The following NIPA2 variants were observed in gnomAD, a reference collection of about 807,000 sequenced individuals.
The protein encoded by NIPA2 is NIPA magnesium transporter 2.
NIPA2 carries 11 observed loss-of-function variants against 29.7 expected under a neutral mutation model. That is an observed-to-expected ratio of 0.37 (90% CI 0.23 to 0.61). The LOEUF is 0.61. Among genes scored for constraint, NIPA2 ranks in the 20% least tolerant of loss-of-function variants. NIPA2 has a pLI of 0.66. For missense variants in NIPA2, 426 were observed against 437.9 expected (o/e 0.97, Z 0.24); for synonymous variants, 183 against 161.9 (o/e 1.13, Z -0.99).
chr15:22,863,599 C>T (rs1025678038), intron 7 of NIPA2, among the ~76,000 whole-genome samples: 2 of 152,172 alleles, frequency 1.3e-5, no homozygotes, highest in Admixed American at 6.5e-5. Context: ...CAAGAAACAC[C>T]GTAAGGGGAA....
intron 3 of NIPA2, among the ~76,000 whole-genome samples, chr15:22,846,840 A>ATT (rs1555380237): frequency 0.022 from 2,973 of 134,930 alleles, 40 homozygotes; most frequent in Middle Eastern, 0.048. Flanking sequence ...TAATAATAAT[A>ATT]ATTATTATTA....
rs2059288250 is a variant in NIPA2 at position 22,868,303 on chromosome 15, AAAG to A, written c.*1459_*1461del. 6.6e-6 allele frequency: 1 copy of A among 152,186 alleles called. No individual in the cohort carries two copies. The highest frequency in any genetic ancestry group is 2.4e-5 in the African/African-American group (1 of 41,430). 9.4% of individuals were successfully genotyped at this position (152,186 alleles called of 1,614,324 possible). On this transcript the variant is annotated 3_prime_UTR_variant, in exon 8 of 8. Transcript: ENST00000337451. The stretch of plus-strand genomic sequence containing the variant: ...TACCTACATCTGTGCTTTGTACATA[AAAG>A]AACCAGTTTTCTCCCCCTTGAGGAC...
In NIPA2 at chr15:22,867,434, T is replaced by C. The variant is rs1213142947; in HGVS notation, c.*587T>C. On this transcript the variant is annotated 3_prime_UTR_variant, in exon 8 of 8. Transcript: ENST00000337451. ...CACCCCAAGGAACGATTTCTCAGGT[T>C]GAGATGATCACCGTGAATCCGGCTT... 5.5e-6 allele frequency: 2 copies of C among 365,054 alleles called. No individual in the cohort carries two copies. Among genetic ancestry groups the C allele is most frequent in the Non-Finnish European group, 4.8e-6 (1 of 206,372 alleles). 22.6% of individuals were successfully genotyped at this position (365,054 alleles called of 1,614,324 possible).
intron 6 of NIPA2, among the ~76,000 whole-genome samples, chr15:22,859,221 C>A (rs2141423414): frequency 6.6e-6 from 1 of 151,930 alleles, no homozygotes; most frequent in African/African-American, 2.4e-5. Flanking sequence ...TTACACTCAT[C>A]CCAGTATTTA....
At chr15:22,847,902 A>G (rs113868396) in intron 3 of NIPA2, among the ~76,000 whole-genome samples, 10,327 of 151,738 alleles carry the variant, frequency 0.068, 1,170 homozygotes, top group African/African-American at 0.23. Context: ...GGTTGAGGCA[A>G]TTCTCCTGCC....
At chr15:22,847,872 A>G (rs1806805655) in intron 3 of NIPA2, among the ~76,000 whole-genome samples, 1 of 151,874 alleles carries the variant, frequency 6.6e-6, no homozygotes. Context: ...ATCTCAACTC[A>G]CCACAACCTC....
chr15:22,864,137 C>G (rs967132136), intron 7 of NIPA2, among the ~76,000 whole-genome samples: 4 of 151,948 alleles, frequency 2.6e-5, no homozygotes, highest in Non-Finnish European at 5.9e-5. Flanking sequence ...TGGCTTCTCT[C>G]CTGGTGGTCT....
intron 3 of NIPA2, among the ~76,000 whole-genome samples, chr15:22,848,551 G>T (rs1289784397): frequency 1.3e-5 from 2 of 151,988 alleles, no homozygotes; most frequent in Non-Finnish European, 2.9e-5. Context: ...TTTGGCTGGG[G>T]TGGTGGCTCA....
chr15:22,847,467 C>CT (rs571098735), intron 3 of NIPA2, among the ~76,000 whole-genome samples: 8,630 of 145,540 alleles, frequency 0.059, 814 homozygotes, highest in African/African-American at 0.2. Flanking sequence ...GATGATGATT[C>CT]TTTTTTTTTT....
chr15:22,841,683 A>G (rs531511864), intron 2 of NIPA2, among the ~76,000 whole-genome samples: 6 of 152,032 alleles, frequency 3.9e-5, no homozygotes, highest in African/African-American at 1.2e-4. Flanking sequence ...TGATTTTTGT[A>G]TTTTTAGTAG....
At chr15:22,844,240 C>A (rs1169608200) in intron 2 of NIPA2, among the ~76,000 whole-genome samples, 1 of 152,030 alleles carries the variant, frequency 6.6e-6, no homozygotes, top group East Asian at 1.9e-4. Flanking sequence ...GTTCACATTA[C>A]AAATATTAGT....
At chr15:22,863,519 C>G (rs1304985324) in intron 7 of NIPA2, among the ~76,000 whole-genome samples, 1 of 152,224 alleles carries the variant, frequency 6.6e-6, no homozygotes, top group Non-Finnish European at 1.5e-5. Flanking sequence ...AAAATCCCTG[C>G]TTAGTCCTGT....
Position 22,866,691 on chromosome 15 carries a change from G to C in NIPA2, c.927G>C (p.Leu309=). Reference sequence around the variant, plus strand: ...ACGTCAGCTTTAGTCTAGCAAGTCTGCCTGTGTCTTTTCGAAAAGACGAGA... The same window carrying C: ...ACGTCAGCTTTAGTCTAGCAAGTCTCCCTGTGTCTTTTCGAAAAGACGAGA... ...FKDVSFSLAS[L]PVSFRKDEKA... Residue 309 remains leucine (L), a synonymous_variant, in exon 8 of 8, where the codon CTG becomes CTC. Transcript: ENST00000337451. 6.2e-7 allele frequency: 1 copy of C among 1,614,110 alleles called. No homozygotes were observed. Among genetic ancestry groups the C allele is most frequent in the Non-Finnish European group, 8.5e-7 (1 of 1,180,008 alleles).
At chr15:22,847,192 C>T (rs1245347058) in intron 3 of NIPA2, among the ~76,000 whole-genome samples, 1 of 152,048 alleles carries the variant, frequency 6.6e-6, no homozygotes, top group Non-Finnish European at 1.5e-5. Flanking sequence ...AGGCCTGAGC[C>T]ACCGCGCCCG....
rs149940687 is a variant in NIPA2, at chr15:22,850,952, C to T, written c.-93-687C>T. ...CACTGTGCTTTAGTTCATCTGTCAA[C>T]TGAGTTTATGAGTTGGCCATTTGGA... is the stretch of plus-strand genomic sequence containing the variant. On this transcript the variant is annotated intron_variant, in intron 3 of 7. Coordinates refer to ENST00000337451, the MANE Select transcript of NIPA2 (RefSeq NM_030922.7). 3.0e-4 allele frequency among the ~76,000 whole-genome samples: 46 copies of T among 152,296 alleles called. No homozygotes were observed. The East Asian group carries it at 8.7e-3, about 29-fold the overall frequency.
intron 5 of NIPA2, among the ~76,000 whole-genome samples, chr15:22,857,153 G>C (rs989028948): frequency 6.6e-6 from 1 of 152,222 alleles, no homozygotes; most frequent in Non-Finnish European, 1.5e-5. Context: ...ATGAGAGGCT[G>C]GGCGTGGTGG....
At chr15:22,849,278 CTTCT>C (rs141773095) in intron 3 of NIPA2, among the ~76,000 whole-genome samples, 31,850 of 151,828 alleles carry the variant, frequency 0.21, 3,531 homozygotes, top group Admixed American at 0.31. Flanking sequence ...GATTGTTCAG[CTTCT>C]TTCTTTTTAT....
At chr15:22,853,129 A>T in intron 4 of NIPA2, 83 bp from the exon 5 acceptor site, 1 of 922,068 alleles carries the variant, frequency 1.1e-6, no homozygotes, top group Non-Finnish European at 1.7e-6. Flanking sequence ...TGAGATATTT[A>T]AAAATCTGTC....
intron 5 of NIPA2, among the ~76,000 whole-genome samples, chr15:22,857,506 C>A (rs903511853): frequency 6.6e-6 from 1 of 150,800 alleles, no homozygotes; most frequent in Non-Finnish European, 1.5e-5. Context: ...TATCCTGATT[C>A]TAGAACAGGA....
Sources: allele counts gnomAD v4.1 joint callset (sites outside exome capture counted in the v4.1 genomes callset), GRCh38; gene constraint gnomAD v4.1.1; transcripts MANE v1.5; gene names NCBI Gene and HGNC (gene_info 2026-07-23, HGNC 2026-07-21).